The following LOC128462377 variants were observed in gnomAD, a reference collection of about 807,000 sequenced individuals.
At chr16:89,378,049 A>T in the LOC128462377 span, among the ~76,000 whole-genome samples, 1 of 152,114 alleles carries the variant, frequency 6.6e-6, no homozygotes, top group African/African-American at 2.4e-5. Flanking sequence ...AGTATACAAT[A>T]CATACGACAT....
chr16:89,397,432 G>A, the LOC128462377 span, among the ~76,000 whole-genome samples: 7 of 152,226 alleles, frequency 4.6e-5, no homozygotes, highest in Admixed American at 1.3e-4. Flanking sequence ...TCCCAGCGCC[G>A]TACCACTCCC....
chr16:89,408,954 G>C, the LOC128462377 span, among the ~76,000 whole-genome samples: 1 of 152,152 alleles, frequency 6.6e-6, no homozygotes, highest in Non-Finnish European at 1.5e-5. Context: ...TGTGGAGTGC[G>C]GTTTCTAAAA....
At chr16:89,348,031 T>C in the LOC128462377 span, among the ~76,000 whole-genome samples, 43 of 152,016 alleles carry the variant, frequency 2.8e-4, no homozygotes, top group Non-Finnish European at 5.9e-4. Context: ...CCTCCTGGGC[T>C]CAATGGATCT....
At chr16:89,359,841 A>C in the LOC128462377 span, among the ~76,000 whole-genome samples, 1 of 152,246 alleles carries the variant, frequency 6.6e-6, no homozygotes, top group African/African-American at 2.4e-5. Flanking sequence ...AAAAGCTACA[A>C]AACCCTAAGA....
At chr16:89,381,759 C>A in the LOC128462377 span, among the ~76,000 whole-genome samples, 5 of 152,100 alleles carry the variant, frequency 3.3e-5, no homozygotes, top group Non-Finnish European at 5.9e-5. Context: ...CCCTCCTTAC[C>A]GAATTTATAC....
chr16:89,362,207 C>T, the LOC128462377 span, among the ~76,000 whole-genome samples: 2 of 152,172 alleles, frequency 1.3e-5, no homozygotes, highest in African/African-American at 4.8e-5. Flanking sequence ...CTTCTTCTTC[C>T]CCTTCTGAAA....
At chr16:89,325,471 A>T in the LOC128462377 span, among the ~76,000 whole-genome samples, 73,829 of 116,302 alleles carry the variant, frequency 0.63, 19,315 homozygotes, top group Middle Eastern at 0.71. Flanking sequence ...TCTCTCTCTC[A>T]CACACACACA....
At chr16:89,323,350 C>A in the LOC128462377 span, 3 of 1,288,410 alleles carry the variant, frequency 2.3e-6, no homozygotes, top group South Asian at 3.7e-5. Context: ...AAGAGAAGCA[C>A]CACTGGCCTC....
At chr16:89,391,360 C>T in the LOC128462377 span, among the ~76,000 whole-genome samples, 5 of 152,050 alleles carry the variant, frequency 3.3e-5, no homozygotes, top group Non-Finnish European at 7.4e-5. Flanking sequence ...GGCAGTCTTG[C>T]GGGACTCAGT....
chr16:89,385,351 A>C, the LOC128462377 span, among the ~76,000 whole-genome samples: 1 of 148,270 alleles, frequency 6.7e-6, no homozygotes, highest in African/African-American at 2.5e-5. Context: ...CTGGTCTCGA[A>C]CTCCTGACCT....
At chr16:89,321,478 C>CCGGGTGGGGAGCTG in the LOC128462377 span, among the ~76,000 whole-genome samples, 1 of 145,834 alleles carries the variant, frequency 6.9e-6, no homozygotes, top group Non-Finnish European at 1.5e-5. Context: ...GACTGTGGGG[C>CCGGGTGGGGAGCTG]CGGGTGGGGA....
At chr16:89,383,740 C>T in the LOC128462377 span, among the ~76,000 whole-genome samples, 14 of 152,136 alleles carry the variant, frequency 9.2e-5, no homozygotes, top group Non-Finnish European at 1.9e-4. Flanking sequence ...CCCCTGCACT[C>T]GGACCAGCAA....
At chr16:89,336,210 C>G in the LOC128462377 span, among the ~76,000 whole-genome samples, 2 of 152,196 alleles carry the variant, frequency 1.3e-5, no homozygotes, top group South Asian at 2.1e-4. Flanking sequence ...GTGGGCTACT[C>G]AAGACTTGAG....
At chr16:89,362,521 C>A in the LOC128462377 span, among the ~76,000 whole-genome samples, 1 of 152,248 alleles carries the variant, frequency 6.6e-6, no homozygotes, top group East Asian at 1.9e-4. Context: ...ACCAGAGATA[C>A]TGGGCGGAGC....
At chr16:89,343,527 G>A in the LOC128462377 span, among the ~76,000 whole-genome samples, 2 of 152,302 alleles carry the variant, frequency 1.3e-5, no homozygotes, top group South Asian at 4.1e-4. Context: ...GACAGAGCTC[G>A]AGGTGGGCTG....
the LOC128462377 span, among the ~76,000 whole-genome samples, chr16:89,366,126 T>C: frequency 9.6e-6 from 1 of 103,890 alleles, no homozygotes; most frequent in East Asian, 3.0e-4. Flanking sequence ...TGAGACTCCA[T>C]CTCAAAAAAA....
chr16:89,404,159 C>CA, the LOC128462377 span, among the ~76,000 whole-genome samples: 1 of 152,154 alleles, frequency 6.6e-6, no homozygotes, highest in Non-Finnish European at 1.5e-5. Flanking sequence ...GTCATGGACA[C>CA]AGCCCACAGG....
the LOC128462377 span, among the ~76,000 whole-genome samples, chr16:89,374,672 C>T: frequency 3.9e-5 from 6 of 152,152 alleles, no homozygotes; most frequent in Admixed American, 3.3e-4. Context: ...AAAAGCTCCT[C>T]CAGAGAGCAT....
chr16:89,363,008 A>T, the LOC128462377 span, among the ~76,000 whole-genome samples: 1 of 151,770 alleles, frequency 6.6e-6, no homozygotes, highest in Non-Finnish European at 1.5e-5. Context: ...GGTCTCCTTT[A>T]TCCGGTGTAC....
Sources: allele counts gnomAD v4.1 joint callset (sites outside exome capture counted in the v4.1 genomes callset), GRCh38; gene constraint gnomAD v4.1.1; transcripts MANE v1.5.